CTNNA3: variants seen among roughly 807,000 people sequenced by gnomAD.
CTNNA3 encodes the protein catenin alpha 3.
CTNNA3 carries 76 observed loss-of-function variants against 95.7 expected under a neutral mutation model. That is an observed-to-expected ratio of 0.79 (90% CI 0.66 to 0.96). The LOEUF is 0.96. CTNNA3 is among the 40% of genes least tolerant of loss of function. The probability of loss-of-function intolerance (pLI) is 0.00; values close to 1 mark genes in which losing one functional copy is unlikely to be tolerated. For synonymous variants in CTNNA3, 431 were observed against 374.4 expected, an observed-to-expected ratio of 1.15 and a Z score of -1.74; for missense variants, 1,191 against 1,089.8, an observed-to-expected ratio of 1.09 and a Z score of -1.31.
At chr10:67,758,289 T>TACACAC (rs760301884) in intron 1 of CTNNA3, among the ~76,000 whole-genome samples, 1 of 139,898 alleles carries the variant, frequency 7.1e-6, no homozygotes, top group African/African-American at 2.7e-5. Context: ...TATATGTATA[T>TACACAC]ACACACACAC....
At chr10:66,852,962 T>C (rs1843548714) in intron 7 of CTNNA3, among the ~76,000 whole-genome samples, 1 of 152,146 alleles carries the variant, frequency 6.6e-6, no homozygotes, top group South Asian at 2.1e-4. Flanking sequence ...GAGCTATAGT[T>C]AGAGTTTAAG....
At chr10:66,887,456 C>T (rs1345710532) in intron 7 of CTNNA3, among the ~76,000 whole-genome samples, 1 of 151,936 alleles carries the variant, frequency 6.6e-6, no homozygotes, top group African/African-American at 2.4e-5. Context: ...TTCATGATTA[C>T]TTTTGTTAAA....
chr10:67,552,297 G>C (rs1263367371), intron 3 of CTNNA3, among the ~76,000 whole-genome samples: 1 of 152,064 alleles, frequency 6.6e-6, no homozygotes, highest in African/African-American at 2.4e-5. Context: ...GGTTAGACCT[G>C]AACCAGCCAA....
chr10:66,809,077 T>C (rs1841773452), intron 7 of CTNNA3, among the ~76,000 whole-genome samples: 1 of 152,200 alleles, frequency 6.6e-6, no homozygotes, highest in Non-Finnish European at 1.5e-5. Flanking sequence ...ATCATTTTCT[T>C]GTTGGAACTT....
intron 9 of CTNNA3, among the ~76,000 whole-genome samples, chr10:66,681,093 G>C (rs770857298): frequency 6.6e-6 from 1 of 152,178 alleles, no homozygotes; most frequent in Non-Finnish European, 1.5e-5. Context: ...GCCATGGCTG[G>C]AGAAAAGCAT....
intron 11 of CTNNA3, among the ~76,000 whole-genome samples, chr10:66,417,121 C>T (rs960371237): frequency 1.3e-5 from 2 of 151,870 alleles, no homozygotes; most frequent in African/African-American, 4.8e-5. Flanking sequence ...AAAAATGATC[C>T]AACTACATGC....
chr10:67,141,118 T>A (rs1010192873), intron 7 of CTNNA3, among the ~76,000 whole-genome samples: 1 of 152,214 alleles, frequency 6.6e-6, no homozygotes, highest in Non-Finnish European at 1.5e-5. Flanking sequence ...AAAGATAATA[T>A]TTGGTGATCA....
chr10:67,702,955 C>T lies in CTNNA3; in HGVS notation c.-1-55441G>A, dbSNP rs925533377. Among the ~76,000 whole-genome samples the T allele has an allele frequency of 3.1e-3, 470 of 152,074 alleles. 4 individuals carry two copies. The highest frequency in any genetic ancestry group is 0.01 in the African/African-American group (432 of 41,498). The stretch of plus-strand genomic sequence containing the variant: ...ATGATAAAGGGGATATCACCACCGA[C>T]CCCACAGAAATACAAACTACCATCA... On this transcript the variant is annotated intron_variant, in intron 1 of 17. Transcript: ENST00000684154.
chr10:66,618,183 C>G (rs1182168521), intron 10 of CTNNA3, among the ~76,000 whole-genome samples: 1 of 151,944 alleles, frequency 6.6e-6, no homozygotes, highest in Non-Finnish European at 1.5e-5. Flanking sequence ...CTACCAATGA[C>G]TTTCTTCACA....
At chr10:67,417,122 A>C (rs1845574270) in intron 5 of CTNNA3, among the ~76,000 whole-genome samples, 1 of 152,200 alleles carries the variant, frequency 6.6e-6, no homozygotes, top group African/African-American at 2.4e-5. Context: ...CCATAAAAAA[A>C]AATGAAAATG....
At chr10:66,636,146 T>G (rs1365178393) in intron 9 of CTNNA3, among the ~76,000 whole-genome samples, 1 of 152,008 alleles carries the variant, frequency 6.6e-6, no homozygotes, top group Non-Finnish European at 1.5e-5. Flanking sequence ...ATCCCCTCAT[T>G]CTTGGGTCCC....
chr10:66,816,264 G>A (rs908772802), intron 7 of CTNNA3, among the ~76,000 whole-genome samples: 1 of 151,978 alleles, frequency 6.6e-6, no homozygotes, highest in Non-Finnish European at 1.5e-5. Flanking sequence ...AAAGTAAAAT[G>A]GAGGAATGGA....
intron 9 of CTNNA3, among the ~76,000 whole-genome samples, chr10:66,702,021 T>G (rs1224882100): frequency 6.6e-6 from 1 of 152,176 alleles, no homozygotes; most frequent in Non-Finnish European, 1.5e-5. Context: ...CTGTGGTTGT[T>G]TGGCATCACA....
intron 11 of CTNNA3, among the ~76,000 whole-genome samples, chr10:66,460,345 T>A (rs1326463627): frequency 6.6e-6 from 1 of 152,192 alleles, no homozygotes; most frequent in Non-Finnish European, 1.5e-5. Context: ...TAGCAAGACT[T>A]TTTTCACAAA....
chr10:66,160,643 A>C (rs1464206140), intron 13 of CTNNA3, among the ~76,000 whole-genome samples: 1 of 152,086 alleles, frequency 6.6e-6, no homozygotes, highest in Non-Finnish European at 1.5e-5. Flanking sequence ...TGTTGAATAA[A>C]ATGTGTATTC....
intron 1 of CTNNA3, among the ~76,000 whole-genome samples, chr10:67,687,195 A>G (rs1212630126): frequency 6.6e-6 from 1 of 152,106 alleles, no homozygotes; most frequent in Non-Finnish European, 1.5e-5. Flanking sequence ...CTGGCCCTCA[A>G]TGGTTAAACA....
At chr10:67,310,746 A>G (rs1479140966) in intron 5 of CTNNA3, among the ~76,000 whole-genome samples, 1 of 152,180 alleles carries the variant, frequency 6.6e-6, no homozygotes, top group Non-Finnish European at 1.5e-5. Flanking sequence ...TCTTGTAAGA[A>G]GTCACGGACT....
intron 7 of CTNNA3, among the ~76,000 whole-genome samples, chr10:67,157,357 T>C (rs1861356314): frequency 6.6e-6 from 1 of 152,186 alleles, no homozygotes; most frequent in African/African-American, 2.4e-5. Context: ...ACTGGTCTTG[T>C]GTCATCTAGA....
At chr10:66,515,858 A>AC (rs1299698905) in intron 11 of CTNNA3, among the ~76,000 whole-genome samples, 1 of 152,062 alleles carries the variant, frequency 6.6e-6, no homozygotes, top group Non-Finnish European at 1.5e-5. Context: ...TCCCACAACA[A>AC]CATGTGGGAA....
Sources: allele counts gnomAD v4.1 joint callset (sites outside exome capture counted in the v4.1 genomes callset), GRCh38; gene constraint gnomAD v4.1.1; transcripts MANE v1.5; gene names NCBI Gene and HGNC (gene_info 2026-07-23, HGNC 2026-07-21).